The following ZNF735 variants were observed in gnomAD, a reference collection of about 807,000 sequenced individuals.
ZNF735 encodes the protein zinc finger protein 735.
In ZNF735, 11 loss-of-function variants were observed where a neutral mutation model predicts 13.4. The observed-to-expected ratio is 0.82, with a 90% confidence interval of 0.52 to 1.36. ZNF735 has a LOEUF of 1.36. Ranked by LOEUF, ZNF735 falls within the 40% of genes most tolerant of loss-of-function variation. The pLI, the probability that ZNF735 is intolerant of heterozygous loss-of-function variation, is 0.00. For synonymous variants in ZNF735, 171 were observed against 162.6 expected (o/e 1.05, Z -0.39); for missense variants, 500 against 484.6 (o/e 1.03, Z -0.30).
exon 4 of ZNF735, chr7:64,220,181 G>T (rs1787475770): frequency 6.2e-7 from 1 of 1,613,058 alleles, no homozygotes; most frequent in Middle Eastern, 1.7e-4. Context: ...ATTCATACTG[G>T]AGAGAAACCA....
chr7:64,219,425 TA>T lies in ZNF735; in HGVS notation c.381del (p.Lys127AsnfsTer6), dbSNP rs781384768. The T allele has an allele frequency of 6.2e-7, 1 of 1,613,838 alleles. No homozygotes were observed. ...AAATGTGGACATGAGAATTTACAAT[TA>T]AAAAAATGTTGTAAAAGAGTAGATG... is the stretch of plus-strand genomic sequence containing the variant. On this transcript the variant is annotated frameshift_variant, in exon 4 of 4. Coordinates refer to ENST00000429565, the Ensembl canonical transcript of ZNF735. LOFTEE classifies it low-confidence loss of function (END_TRUNC).
chr7:64,214,034 A>T, exon 3 of ZNF735: 4 of 1,599,374 alleles, frequency 2.5e-6, no homozygotes, highest in South Asian at 2.2e-5. Context: ...TCTAAGCCAG[A>T]CTTGATCGCC....
chr7:64,214,308 C>T (rs1393610999), intron 3 of ZNF735, among the ~76,000 whole-genome samples, 200 bp downstream of exon 3: 8 of 152,010 alleles, frequency 5.3e-5, no homozygotes, highest in East Asian at 1.9e-4. Context: ...GTTAAATTCT[C>T]TAAGGATTCT....
intron 3 of ZNF735, among the ~76,000 whole-genome samples, chr7:64,215,006 T>C (rs1220359436): frequency 6.6e-6 from 1 of 152,110 alleles, no homozygotes; most frequent in Non-Finnish European, 1.5e-5. Context: ...CAAATACTTC[T>C]TCCCATTTGT....
At chr7:64,207,390 CTCCA>C in intron 1 of ZNF735, 149 bp downstream of exon 1, 1 of 1,482,636 alleles carries the variant, frequency 6.7e-7, no homozygotes. Context: ...TGTTAGCCCC[CTCCA>C]GCCCTAAGAT....
chr7:64,218,548 A>C (rs1787448351), intron 3 of ZNF735, among the ~76,000 whole-genome samples: 1 of 150,886 alleles, frequency 6.6e-6, no homozygotes, highest in South Asian at 2.1e-4. Flanking sequence ...CATTTATCTG[A>C]TGTCTGGTTT....
intron 1 of ZNF735, among the ~76,000 whole-genome samples, chr7:64,210,242 A>C (rs1562831705): frequency 6.6e-6 from 1 of 152,210 alleles, no homozygotes; most frequent in Non-Finnish European, 1.5e-5. Flanking sequence ...ATTTACTCAG[A>C]TATTGCTGCC....
At chr7:64,212,720 G>C (rs1412408914) in intron 1 of ZNF735, among the ~76,000 whole-genome samples, 1 of 151,908 alleles carries the variant, frequency 6.6e-6, no homozygotes, top group Non-Finnish European at 1.5e-5. Flanking sequence ...TTGAACCCGA[G>C]GCGGAGGTTG....
chr7:64,217,468 GT>G (rs577290571), intron 3 of ZNF735, among the ~76,000 whole-genome samples: 65 of 150,830 alleles, frequency 4.3e-4, no homozygotes, highest in African/African-American at 9.3e-4. Flanking sequence ...CAGGTTTTCT[GT>G]TTTTTTTAAT....
chr7:64,213,089 C>A lies in ZNF735; in HGVS notation c.40-3C>A, dbSNP rs1413770401. On this transcript the variant is annotated splice_region_variant and splice_polypyrimidine_tract_variant and intron_variant, in intron 1 of 3. Coordinates refer to ENST00000429565, the Ensembl canonical transcript of ZNF735. ...TCATGAGGTTTTTCTTTTTTTTTTT[C>A]AGGGACTGTTGACATTCAGAGACAT... 6.3e-7 allele frequency: 1 copy of A among 1,590,026 alleles called. No individual in the cohort carries two copies. The highest frequency in any genetic ancestry group is 1.1e-5 in the South Asian group (1 of 87,786).
chr7:64,219,606 G>C (rs1554366822), exon 4 of ZNF735: 12 of 1,575,446 alleles, frequency 7.6e-6, no homozygotes, highest in East Asian at 4.6e-5. Context: ...AGAAACATTT[G>C]AAATGTAAAA....
intron 2 of ZNF735, 103 bp downstream of exon 2, chr7:64,213,321 G>A (rs758870488): frequency 4.8e-5 from 56 of 1,163,810 alleles, no homozygotes; most frequent in Non-Finnish European, 5.7e-5. Context: ...TTAGCTCTCC[G>A]ATTTAAAGAA....
intron 1 of ZNF735, among the ~76,000 whole-genome samples, chr7:64,209,074 G>A (rs1173050483): frequency 1.3e-5 from 2 of 152,168 alleles, no homozygotes; most frequent in Non-Finnish European, 2.9e-5. Context: ...CATTTATTGG[G>A]TGTATTCCCA....
At chr7:64,209,064 C>G (rs1787326665) in intron 1 of ZNF735, among the ~76,000 whole-genome samples, 2 of 152,260 alleles carry the variant, frequency 1.3e-5, no homozygotes, top group South Asian at 4.2e-4. Context: ...GAATAACTTA[C>G]ATTTATTGGG....
In ZNF735 at chr7:64,208,493, G is replaced by A. The variant is rs1329905175; in HGVS notation, c.39+1252G>A. Among the ~76,000 whole-genome samples the A allele has an allele frequency of 7.9e-5, 12 of 151,990 alleles. No individual in the cohort carries two copies. In the South Asian group the frequency reaches 8.3e-4, roughly 11 times the overall value. ...GTTGGTCTCGAACTTTTGACCTCAG[G>A]TGATCTGCCTGCCTCAGCCTCCCAA... On this transcript the variant is annotated intron_variant, in intron 1 of 3. Transcript: ENST00000429565.
chr7:64,219,707 G>C (rs745312921), exon 4 of ZNF735: 1 of 1,591,952 alleles, frequency 6.3e-7, no homozygotes, highest in East Asian at 2.3e-5. Flanking sequence ...GAAGAATGTG[G>C]CAAATCCTTT....
At chr7:64,208,107 G>A (rs1479730770) in intron 1 of ZNF735, among the ~76,000 whole-genome samples, 3 of 152,068 alleles carry the variant, frequency 2.0e-5, no homozygotes, top group Non-Finnish European at 4.4e-5. Flanking sequence ...TGCAATAATT[G>A]GTTTGGTACA....
intron 2 of ZNF735, among the ~76,000 whole-genome samples, chr7:64,213,709 C>T (rs1787386869): frequency 2.0e-5 from 3 of 152,056 alleles, no homozygotes; most frequent in Admixed American, 2.0e-4. Flanking sequence ...ACCTGTAATC[C>T]CAGCACGTTG....
At chr7:64,211,878 A>T (rs931788899) in intron 1 of ZNF735, among the ~76,000 whole-genome samples, 28 of 85,062 alleles carry the variant, frequency 3.3e-4, no homozygotes, top group Non-Finnish European at 4.1e-4. Flanking sequence ...AAAAAAAAGA[A>T]AAAAGAAAAA....
Sources: allele counts gnomAD v4.1 joint callset (sites outside exome capture counted in the v4.1 genomes callset), GRCh38; gene constraint gnomAD v4.1.1; transcripts MANE v1.5; gene names NCBI Gene and HGNC (gene_info 2026-07-23, HGNC 2026-07-21).